The following CAMSAP1 variants were observed in gnomAD, a reference collection of about 807,000 sequenced individuals.
CAMSAP1 encodes the protein calmodulin regulated spectrin associated protein 1.
In CAMSAP1, 58 loss-of-function variants were observed where a neutral mutation model predicts 143.5. That is an observed-to-expected ratio of 0.40 (90% CI 0.33 to 0.50). The LOEUF (loss-of-function observed/expected upper bound fraction) is 0.50, where lower values mean the gene tolerates loss of function less well. CAMSAP1 is among the 20% of genes least tolerant of loss of function. The pLI, the probability that CAMSAP1 is intolerant of heterozygous loss-of-function variation, is 0.45. For synonymous variants in CAMSAP1, 945 were observed against 859.3 expected, an observed-to-expected ratio of 1.10 and a Z score of -1.74; for missense variants, 1,969 against 2,115.7, an observed-to-expected ratio of 0.93 and a Z score of 1.36.
chr9:135,842,432 A>G (rs182448504), intron 7 of CAMSAP1, among the ~76,000 whole-genome samples: 1 of 152,336 alleles, frequency 6.6e-6, no homozygotes, highest in East Asian at 1.9e-4. Context: ...ACTTCAGGAT[A>G]TTATCCAGGA....
intron 4 of CAMSAP1, among the ~76,000 whole-genome samples, chr9:135,864,721 T>C (rs1157471466): frequency 1.3e-5 from 2 of 152,172 alleles, no homozygotes; most frequent in Admixed American, 6.5e-5. Context: ...CACACTTAAC[T>C]CCAGAAAGCC....
chr9:135,863,267 T>C (rs1379245792), intron 4 of CAMSAP1, among the ~76,000 whole-genome samples: 1 of 152,174 alleles, frequency 6.6e-6, no homozygotes, highest in Non-Finnish European at 1.5e-5. Flanking sequence ...ACGTGTGGCC[T>C]TCTGCACTCC....
In CAMSAP1 at chr9:135,818,025, G is replaced by T; in HGVS notation, c.4223C>A (p.Ala1408Glu). 1 of 1,613,924 alleles carries T rather than the reference G, an allele frequency of 6.2e-7. No individual in the cohort carries two copies. Among genetic ancestry groups the T allele is most frequent in the Non-Finnish European group, 8.5e-7 (1 of 1,179,884 alleles). ...ATGAACGCTCTCGGGTTCTGTCGTCGCCGCAGAGGCCAAGGACAGGCTGGA... is the reference window on the plus strand; with the variant it reads ...ATGAACGCTCTCGGGTTCTGTCGTCTCCGCAGAGGCCAAGGACAGGCTGGA... Reference protein sequence around the residue: ...SGSSLSLASAATTEPESVHSG... With the variant: ...SGSSLSLASAETTEPESVHSG... The change falls in exon 14 of 17, where the codon GCG (alanine) becomes GAG (glutamate). Residue 1408 changes from alanine (A) to glutamate (E), a missense_variant. Coordinates refer to ENST00000389532, the MANE Select transcript of CAMSAP1 (RefSeq NM_015447.4). The surrounding 1 kb of genome is among the most constrained non-coding windows in gnomAD (Gnocchi z 7.7).
chr9:135,872,672 C>A (rs1837608027), intron 3 of CAMSAP1, among the ~76,000 whole-genome samples: 3 of 152,228 alleles, frequency 2.0e-5, no homozygotes, highest in African/African-American at 7.2e-5. Context: ...GAAACATACA[C>A]CGTGCAGCCA....
rs765219711 is a variant in CAMSAP1, at chr9:135,822,197, G to A, written c.2464C>T (p.Leu822Phe). The A allele has an allele frequency of 4.3e-6, 7 of 1,613,806 alleles. No homozygotes were observed. The African/African-American group carries it at 9.3e-5, about 22-fold the overall frequency. The part of the protein sequence containing the change: ...VKMTSFAERK[L>F]QRLNSCETKS... ...GTCTCACAGCTGTTGAGTCTCTGGA[G>A]CTTCCTCTCCGCAAAGCTGGTCATC... The change falls in exon 11 of 17, where the codon CTC (leucine) becomes TTC (phenylalanine). Residue 822 changes from leucine to phenylalanine, a missense_variant. Coordinates refer to ENST00000389532, the MANE Select transcript of CAMSAP1 (RefSeq NM_015447.4). The surrounding 1 kb of genome is among the most constrained non-coding windows in gnomAD (Gnocchi z 6.1).
At chr9:135,893,855 T>C (rs910807508) in intron 1 of CAMSAP1, among the ~76,000 whole-genome samples, 1 of 152,224 alleles carries the variant, frequency 6.6e-6, no homozygotes, top group South Asian at 2.1e-4. Context: ...TGTCTCTCCC[T>C]GTTCCTCTCC....
At chr9:135,825,438 C>T (rs1167797635) in intron 8 of CAMSAP1, among the ~76,000 whole-genome samples, 1 of 152,108 alleles carries the variant, frequency 6.6e-6, no homozygotes, top group Non-Finnish European at 1.5e-5. Flanking sequence ...TCCATAAAAA[C>T]CTCTAAAATC....
intron 15 of CAMSAP1, 55 bp from the exon 16 acceptor site, chr9:135,815,270 C>CA: frequency 1.7e-6 from 2 of 1,194,284 alleles, no homozygotes; most frequent in South Asian, 1.5e-5. Flanking sequence ...CGAACACACA[C>CA]AAAAAAGAAA....
chr9:135,874,135 T>G (rs534494992), intron 3 of CAMSAP1, among the ~76,000 whole-genome samples: 1 of 152,164 alleles, frequency 6.6e-6, no homozygotes, highest in East Asian at 1.9e-4. Context: ...ATCATCTCAA[T>G]AAATACAGAA....
chr9:135,821,801 T>C lies in CAMSAP1; in HGVS notation c.2860A>G (p.Thr954Ala), dbSNP rs1835473463. The C allele has an allele frequency of 6.2e-7, 1 of 1,613,750 alleles. No homozygotes were observed. Residue 954 changes from threonine to alanine, a missense_variant, in exon 11 of 17, where the codon ACC (threonine) becomes GCC (alanine). Transcript: ENST00000389532. The surrounding 1 kb of genome is among the most constrained non-coding windows in gnomAD (Gnocchi z 4.6). ...TCCTCCTTCACGAGAAAGTCTTCGG[T>C]TTTGGAAACAGCGTCCCCACAGTCC... ...GEDCGDAVSK[T>A]EDFLVKEEQR...
chr9:135,821,416 G>A lies in CAMSAP1; in HGVS notation c.3245C>T (p.Thr1082Met), dbSNP rs766470132. Reference sequence around the variant, plus strand: ...GGCTTTGCGGTGGCCAGCCACGCCCGTGGGAGAGAGTGGCTCCACGAAGTG... The same window carrying A: ...GGCTTTGCGGTGGCCAGCCACGCCCATGGGAGAGAGTGGCTCCACGAAGTG... Reference protein sequence around the residue: ...PVHFVEPLSPTGVAGHRKAPR... With the variant: ...PVHFVEPLSPMGVAGHRKAPR... Residue 1082 changes from threonine (T) to methionine (M), a missense_variant, in exon 11 of 17, where the codon ACG (threonine) becomes ATG (methionine). Thr to Met is a moderately conservative substitution (Grantham distance 81, BLOSUM62 -1). Transcript: ENST00000389532. The surrounding 1 kb of genome is among the most constrained non-coding windows in gnomAD (Gnocchi z 4.6). 1.4e-5 allele frequency: 23 copies of A among 1,613,914 alleles called. No homozygotes were observed. Among genetic ancestry groups the A allele is most frequent in the South Asian group, 9.9e-5 (9 of 91,094 alleles).
At chr9:135,872,865 G>A (rs1216260152) in intron 3 of CAMSAP1, among the ~76,000 whole-genome samples, 1 of 152,178 alleles carries the variant, frequency 6.6e-6, no homozygotes, top group East Asian at 1.9e-4. Flanking sequence ...AGTAAAAACT[G>A]ACAGAACCAA....
intron 3 of CAMSAP1, among the ~76,000 whole-genome samples, chr9:135,876,430 C>T (rs1401797030): frequency 1.3e-5 from 2 of 152,196 alleles, no homozygotes; most frequent in African/African-American, 4.8e-5. Context: ...TTTGAAGCAG[C>T]ACCTCATAAA....
chr9:135,836,245 C>A, intron 7 of CAMSAP1: 1 of 985,228 alleles, frequency 1.0e-6, no homozygotes, highest in Non-Finnish European at 1.2e-6. Context: ...TACAGAAACA[C>A]GTCACCACCT....
Position 135,824,099 on chromosome 9 carries a change from T to C in CAMSAP1, c.1316-65A>G. ...TTTCTATCACTTGAAATTCTTTCAA[T>C]ATGACCATTTGTCCAGAAAAATGCC... is the stretch of plus-strand genomic sequence containing the variant. On this transcript the variant is annotated intron_variant, in intron 9 of 16. Coordinates refer to ENST00000389532, the MANE Select transcript of CAMSAP1 (RefSeq NM_015447.4). The surrounding 1 kb of genome is among the most constrained non-coding windows in gnomAD (Gnocchi z 4.1). 7.1e-7 allele frequency: 1 copy of C among 1,401,996 alleles called. No individual in the cohort carries two copies. The highest frequency in any genetic ancestry group is 1.2e-5 in the South Asian group (1 of 81,002). 86.8% of individuals were successfully genotyped at this position (1,401,996 alleles called of 1,614,324 possible).
chr9:135,878,349 C>A (rs1390602987), intron 3 of CAMSAP1, among the ~76,000 whole-genome samples: 2 of 151,902 alleles, frequency 1.3e-5, no homozygotes, highest in Non-Finnish European at 2.9e-5. Context: ...GCCATTCCCC[C>A]ACAGATGCTG....
chr9:135,820,187 G>A lies in CAMSAP1; in HGVS notation c.3822+652C>T, dbSNP rs1835393393. Among the ~76,000 whole-genome samples the A allele has an allele frequency of 6.6e-6, 1 of 152,126 alleles. No individual in the cohort carries two copies. Among genetic ancestry groups the A allele is most frequent in the Non-Finnish European group, 1.5e-5 (1 of 68,040 alleles). ...ACAGCACATTACTGTACCCAATACT[G>A]TAAGTAACTGTGTATCAAAATCTAT... is the stretch of plus-strand genomic sequence containing the variant. On this transcript the variant is annotated intron_variant, in intron 11 of 16. Transcript: ENST00000389532. This position sits in a 1 kb window ranked among gnomAD's most constrained non-coding sequence, Gnocchi z 4.4.
intron 5 of CAMSAP1, among the ~76,000 whole-genome samples, chr9:135,860,704 C>T (rs1463867379): frequency 7.0e-6 from 1 of 142,068 alleles, no homozygotes; most frequent in South Asian, 2.3e-4. Context: ...TTTAAGGTGT[C>T]TAGTTCTCTT....
Position 135,819,085 on chromosome 9 carries a change from T to C in CAMSAP1, c.3884A>G (p.Gln1295Arg). Residue 1295 changes from glutamine to arginine, a missense_variant, in exon 12 of 17, where the codon CAG becomes CGG. Physicochemically the swap from Gln to Arg is conservative, Grantham distance 43. Transcript: ENST00000389532. ...CACGCGGGCCTCCTCGGCCTTGCGC[T>C]GCTGCTTCAGGAGGAAGGCCGCCCG... ...KKRAAFLLKQ[Q>R]RKAEEARVRK... The C allele has an allele frequency of 6.2e-7, 1 of 1,604,168 alleles. No individual in the cohort carries two copies. Among genetic ancestry groups the C allele is most frequent in the South Asian group, 1.1e-5 (1 of 89,248 alleles).
Sources: gnomAD v4.1 joint callset for allele counts (sites outside exome capture counted in the v4.1 genomes callset) on GRCh38, gnomAD v4.1.1 for gene constraint, Gnocchi (gnomAD v3.1) non-coding constraint, MANE v1.5 for transcripts, NCBI Gene and HGNC (gene_info 2026-07-23, HGNC 2026-07-21) for gene names.